The following TMEM178B variants were observed in gnomAD, a reference collection of about 807,000 sequenced individuals.
TMEM178B encodes transmembrane protein 178B.
In TMEM178B, 5 loss-of-function variants were observed where a neutral mutation model predicts 31.0. That is an observed-to-expected ratio of 0.16 (90% CI 0.08 to 0.34). TMEM178B has a LOEUF of 0.34. Among genes scored for constraint, TMEM178B ranks in the 10% least tolerant of loss-of-function variants. TMEM178B has a pLI of 1.00. For synonymous variants in TMEM178B, 164 were observed against 164.0 expected, an observed-to-expected ratio of 1.00 and a Z score of 0.00; for missense variants, 275 against 400.3, an observed-to-expected ratio of 0.69 and a Z score of 2.67.
intron 2 of TMEM178B, among the ~76,000 whole-genome samples, chr7:141,337,259 TCAC>T (rs1321170072): frequency 1.5e-5 from 1 of 67,652 alleles, no homozygotes; most frequent in South Asian, 6.9e-4. Context: ...GATCACATCA[TCAC>T]CACCACCACC....
At chr7:141,399,272 C>G (rs1472964138) in intron 2 of TMEM178B, among the ~76,000 whole-genome samples, 3 of 152,196 alleles carry the variant, frequency 2.0e-5, no homozygotes, top group African/African-American at 4.8e-5. Context: ...ACTTTGGCTG[C>G]AGCTGTCTGA....
At chr7:141,224,725 T>G (rs1208834955) in intron 2 of TMEM178B, among the ~76,000 whole-genome samples, 1 of 152,196 alleles carries the variant, frequency 6.6e-6, no homozygotes, top group Non-Finnish European at 1.5e-5. Context: ...TTAGGACTCA[T>G]GCCTGTAGAA....
chr7:141,222,203 A>G (rs1797268855), intron 2 of TMEM178B, among the ~76,000 whole-genome samples: 3 of 152,368 alleles, frequency 2.0e-5, no homozygotes, highest in South Asian at 2.1e-4. Context: ...TCTTGTGGTT[A>G]GTTGAATACA....
intron 3 of TMEM178B, among the ~76,000 whole-genome samples, chr7:141,464,463 T>A (rs868572130): frequency 6.6e-6 from 1 of 152,330 alleles, no homozygotes; most frequent in Non-Finnish European, 1.5e-5. Context: ...CTCAGTCTGA[T>A]ACTATTTTCA....
At chr7:141,256,861 A>T (rs1282591439) in intron 2 of TMEM178B, among the ~76,000 whole-genome samples, 2 of 152,208 alleles carry the variant, frequency 1.3e-5, no homozygotes, top group Non-Finnish European at 2.9e-5. Flanking sequence ...GAATGGAATT[A>T]TCAATTTCTG....
At chr7:141,481,607 G>C (rs114861255), downstream of TMEM178B, among the ~76,000 whole-genome samples, 874 of 152,258 alleles carry the variant, frequency 5.7e-3, 6 homozygotes, top group African/African-American at 0.015. Context: ...ATCAGCTGTG[G>C]AACTTCTTTA....
At chr7:141,220,009 G>A (rs898074991) in intron 2 of TMEM178B, among the ~76,000 whole-genome samples, 43 of 152,074 alleles carry the variant, frequency 2.8e-4, no homozygotes, top group Non-Finnish European at 4.9e-4. Context: ...TATAGGTAAC[G>A]TAGAGACGCT....
intron 2 of TMEM178B, among the ~76,000 whole-genome samples, chr7:141,392,976 G>A (rs1800573232): frequency 6.6e-6 from 1 of 151,972 alleles, no homozygotes; most frequent in South Asian, 2.1e-4. Context: ...AGCAACCACA[G>A]GTTCTGCATT....
chr7:141,266,882 C>G, intron 2 of TMEM178B, among the ~76,000 whole-genome samples: 1 of 152,326 alleles, frequency 6.6e-6, no homozygotes, highest in Non-Finnish European at 1.5e-5. Flanking sequence ...TTTCAATGCT[C>G]TTACTACAGT....
intron 2 of TMEM178B, among the ~76,000 whole-genome samples, chr7:141,308,760 C>G (rs548533785): frequency 4.4e-4 from 67 of 152,178 alleles, no homozygotes; most frequent in Non-Finnish European, 8.4e-4. Context: ...AAACTGAGTT[C>G]CAAAGAGGCT....
chr7:141,187,417 T>C (rs1251837329), intron 1 of TMEM178B, among the ~76,000 whole-genome samples: 1 of 152,172 alleles, frequency 6.6e-6, no homozygotes, highest in African/African-American at 2.4e-5. Context: ...TGCATGTGTC[T>C]TTGTAGCAGC....
chr7:141,256,381 A>T (rs1797928163), intron 2 of TMEM178B, among the ~76,000 whole-genome samples: 1 of 152,226 alleles, frequency 6.6e-6, no homozygotes, highest in Admixed American at 6.5e-5. Context: ...CCAAAGTGAT[A>T]CTTGGGGGAA....
At chr7:141,469,382 C>T (rs77695143) in intron 3 of TMEM178B, among the ~76,000 whole-genome samples, 5,371 of 152,192 alleles carry the variant, frequency 0.035, 339 homozygotes, top group East Asian at 0.22. Context: ...TTCTTCCACT[C>T]TATATTTTCT....
chr7:141,166,808 G>C (rs921324092), intron 1 of TMEM178B, among the ~76,000 whole-genome samples: 2 of 152,208 alleles, frequency 1.3e-5, no homozygotes, highest in African/African-American at 4.8e-5. Context: ...CTGCAGATGT[G>C]AGCTAAACAC....
chr7:141,075,531 G>A (rs961166046), intron 1 of TMEM178B, among the ~76,000 whole-genome samples: 9 of 152,224 alleles, frequency 5.9e-5, no homozygotes, highest in South Asian at 4.1e-4. Flanking sequence ...TCTGCTTATC[G>A]GATGGAATTT....
At chr7:141,190,644 A>G (rs1796682326) in intron 1 of TMEM178B, among the ~76,000 whole-genome samples, 2 of 152,144 alleles carry the variant, frequency 1.3e-5, no homozygotes, top group African/African-American at 4.8e-5. Flanking sequence ...TTGAAAGTGA[A>G]AAACAAGTTG....
chr7:141,081,124 A>G (rs1050851988), intron 1 of TMEM178B, among the ~76,000 whole-genome samples: 12 of 152,152 alleles, frequency 7.9e-5, no homozygotes, highest in African/African-American at 2.7e-4. Context: ...AGAAGAAGGC[A>G]TTGTTATCAG....
At chr7:141,277,659 C>T (rs1317123630) in intron 2 of TMEM178B, among the ~76,000 whole-genome samples, 1 of 151,878 alleles carries the variant, frequency 6.6e-6, no homozygotes, top group East Asian at 1.9e-4. Flanking sequence ...CTCTTGGGAC[C>T]ACTGTCATAT....
chr7:141,085,799 C>A (rs1794775778), intron 1 of TMEM178B, among the ~76,000 whole-genome samples: 1 of 152,038 alleles, frequency 6.6e-6, no homozygotes, highest in African/African-American at 2.4e-5. Flanking sequence ...TGCTCACTGG[C>A]ACAACACTGG....
Sources: allele counts gnomAD v4.1 joint callset (sites outside exome capture counted in the v4.1 genomes callset), GRCh38; gene constraint gnomAD v4.1.1; transcripts MANE v1.5; gene names NCBI Gene and HGNC (gene_info 2026-07-23, HGNC 2026-07-21).